The following CDH12 variants were observed in gnomAD, a reference collection of about 807,000 sequenced individuals.
CDH12 encodes the protein cadherin-12.
A neutral mutation model predicts 74.1 loss-of-function variants in CDH12; 41 were observed. The ratio of observed to expected loss-of-function variants is 0.55; its 90% CI spans 0.43 to 0.72. The LOEUF is 0.72. Among genes scored for constraint, CDH12 ranks in the 30% least tolerant of loss-of-function variants. The probability of loss-of-function intolerance (pLI) is 0.00; values close to 1 mark genes in which losing one functional copy is unlikely to be tolerated. For synonymous variants in CDH12, 399 were observed against 355.0 expected, an observed-to-expected ratio of 1.12 and a Z score of -1.39; for missense variants, 945 against 977.2, an observed-to-expected ratio of 0.97 and a Z score of 0.44.
At chr5:22,666,476 G>A (rs1740630385) in intron 1 of CDH12, among the ~76,000 whole-genome samples, 1 of 151,706 alleles carries the variant, frequency 6.6e-6, no homozygotes. Flanking sequence ...TTTTTTAGTA[G>A]AGACGGGGTT....
chr5:22,296,140 A>C (rs1737614665), intron 3 of CDH12, among the ~76,000 whole-genome samples: 1 of 151,942 alleles, frequency 6.6e-6, no homozygotes, highest in South Asian at 2.1e-4. Flanking sequence ...TCTTTATAAA[A>C]ATGTATTAGA....
At chr5:22,437,551 T>TAATAAATAAATAAATAAATAAATAAATA (rs61578838) in intron 2 of CDH12, among the ~76,000 whole-genome samples, 36 of 148,640 alleles carry the variant, frequency 2.4e-4, no homozygotes, top group African/African-American at 8.8e-4. Context: ...AATTTAAAAA[T>TAATAAATAAATAAATAAATAAATAAATA]AATAAATAAA....
chr5:21,885,759 A>T (rs1321052982), intron 6 of CDH12, among the ~76,000 whole-genome samples: 1 of 152,138 alleles, frequency 6.6e-6, no homozygotes, highest in African/African-American at 2.4e-5. Context: ...TGTCTCTACT[A>T]TATCATCAGT....
chr5:22,736,715 AAC>A (rs570215184), intron 1 of CDH12, among the ~76,000 whole-genome samples: 2 of 150,860 alleles, frequency 1.3e-5, no homozygotes, highest in Non-Finnish European at 1.5e-5. Context: ...TGAAAGTTTA[AAC>A]ACACACACAC....
chr5:21,876,057 A>G (rs1751922955), intron 6 of CDH12, among the ~76,000 whole-genome samples: 1 of 151,814 alleles, frequency 6.6e-6, no homozygotes, highest in African/African-American at 2.4e-5. Context: ...CACCATGCCC[A>G]GCTAATTTTT....
intron 3 of CDH12, among the ~76,000 whole-genome samples, chr5:22,331,189 G>A (rs1739336562): frequency 6.6e-6 from 1 of 152,180 alleles, no homozygotes; most frequent in Admixed American, 6.5e-5. Flanking sequence ...TTTAATTCCT[G>A]GCTGCCAGAT....
intron 6 of CDH12, among the ~76,000 whole-genome samples, chr5:21,973,359 T>A (rs1298516476): frequency 1.3e-5 from 2 of 152,210 alleles, no homozygotes; most frequent in African/African-American, 4.8e-5. Flanking sequence ...TTCCAGTATC[T>A]TATGACAACA....
intron 1 of CDH12, among the ~76,000 whole-genome samples, chr5:22,529,196 G>T (rs879573781): frequency 0.17 from 15,493 of 91,554 alleles, 1,038 homozygotes; most frequent in Non-Finnish European, 0.2. Flanking sequence ...TATAGAGAGA[G>T]AGAGAGAGAG....
intron 1 of CDH12, among the ~76,000 whole-genome samples, chr5:22,764,851 G>A (rs1002273225): frequency 1.3e-5 from 2 of 151,950 alleles, no homozygotes; most frequent in African/African-American, 2.4e-5. Flanking sequence ...TCAAGATCAT[G>A]AAAGACAAAG....
At chr5:22,011,099 C>G (rs1264783430) in intron 5 of CDH12, among the ~76,000 whole-genome samples, 1 of 152,022 alleles carries the variant, frequency 6.6e-6, no homozygotes, top group African/African-American at 2.4e-5. Flanking sequence ...GGGAAATAAC[C>G]ATAAACATAC....
At chr5:21,869,619 C>T (rs868005723) in intron 6 of CDH12, among the ~76,000 whole-genome samples, 1 of 151,880 alleles carries the variant, frequency 6.6e-6, no homozygotes, top group East Asian at 1.9e-4. Context: ...TATATCATAG[C>T]ATTTAAGTTA....
At chr5:22,426,205 A>G (rs1390782432) in intron 2 of CDH12, among the ~76,000 whole-genome samples, 2 of 151,610 alleles carry the variant, frequency 1.3e-5, no homozygotes, top group African/African-American at 2.4e-5. Flanking sequence ...AAAAAAAAAA[A>G]AAAAAGGATA....
intron 6 of CDH12, among the ~76,000 whole-genome samples, chr5:21,912,747 T>C (rs1753913324): frequency 6.6e-6 from 1 of 152,160 alleles, no homozygotes; most frequent in African/African-American, 2.4e-5. Context: ...GTCAGGTAAT[T>C]TCTTTATTGT....
chr5:21,831,557 G>C (rs1749024722), intron 8 of CDH12, among the ~76,000 whole-genome samples: 1 of 152,146 alleles, frequency 6.6e-6, no homozygotes, highest in Admixed American at 6.6e-5. Flanking sequence ...AGTTCCAGCA[G>C]CCAAATTCAG....
rs531902264 is a variant in CDH12, at chr5:21,842,323, T to A, written c.652A>T (p.Ile218Phe). 1 of 1,604,804 alleles carries A rather than the reference T, an allele frequency of 6.2e-7. No homozygotes were observed. Among genetic ancestry groups the A allele is most frequent in the Admixed American group, 1.7e-5 (1 of 58,774 alleles). ...TCCATGTTTGGCAAAGCTGTTCTAATAACACCTTAAGGGATAAAAGCAATA... is the reference window on the plus strand; with the variant it reads ...TCCATGTTTGGCAAAGCTGTTCTAAAAACACCTTAAGGGATAAAAGCAATA... ...YFSIDPKTGV[I>F]RTALPNMDRE... Residue 218 changes from isoleucine (I) to phenylalanine (F), a missense_variant, in exon 8 of 15, where the codon ATT (isoleucine) becomes TTT (phenylalanine). Transcript: ENST00000382254.
intron 1 of CDH12, among the ~76,000 whole-genome samples, chr5:22,566,938 A>T (rs1369507352): frequency 3.9e-5 from 6 of 152,216 alleles, no homozygotes; most frequent in Admixed American, 3.9e-4. Flanking sequence ...AAGGCTTCTG[A>T]AAATACTCCT....
intron 5 of CDH12, among the ~76,000 whole-genome samples, chr5:22,004,148 G>T (rs6452042): frequency 2.0e-5 from 3 of 151,882 alleles, no homozygotes; most frequent in Admixed American, 2.0e-4. Context: ...TTTCTCTTCC[G>T]TTCTTCTAAA....
chr5:22,823,547 T>G (rs1749838892), intron 1 of CDH12, among the ~76,000 whole-genome samples: 1 of 152,104 alleles, frequency 6.6e-6, no homozygotes, highest in Non-Finnish European at 1.5e-5. Context: ...TGCCCAGTCT[T>G]GGGTATGTCT....
chr5:21,954,290 T>C (rs1391007904), intron 6 of CDH12, among the ~76,000 whole-genome samples: 1 of 152,010 alleles, frequency 6.6e-6, no homozygotes, highest in Admixed American at 6.6e-5. Flanking sequence ...CCTCCTGTCA[T>C]TGAGGTTAAA....
Sources: gnomAD v4.1 joint callset for allele counts (sites outside exome capture counted in the v4.1 genomes callset) on GRCh38, gnomAD v4.1.1 for gene constraint, MANE v1.5 for transcripts, NCBI Gene and HGNC (gene_info 2026-07-23, HGNC 2026-07-21) for gene names.